The following UHRF2 variants were observed in gnomAD, a reference collection of about 807,000 sequenced individuals.
The protein encoded by UHRF2 is E3 ubiquitin-protein ligase UHRF2.
Under a neutral mutation model 96.8 loss-of-function variants are expected in UHRF2, and 23 were observed. The ratio of observed to expected loss-of-function variants is 0.24; its 90% confidence interval spans 0.17 to 0.34. UHRF2 has a LOEUF of 0.34. Ranked by LOEUF, UHRF2 falls within the 10% of genes least tolerant of loss-of-function variation. UHRF2 has a pLI of 1.00. For synonymous variants in UHRF2, 385 were observed against 332.6 expected, an observed-to-expected ratio of 1.16 and a Z score of -1.72; for missense variants, 685 against 981.5, an observed-to-expected ratio of 0.70 and a Z score of 4.04.
chr9:6,480,588 A>T (rs1405078047), intron 6 of UHRF2, among the ~76,000 whole-genome samples: 1 of 152,202 alleles, frequency 6.6e-6, no homozygotes, highest in East Asian at 1.9e-4. Context: ...TGTTGTCTGG[A>T]TATTTAACCT....
intron 3 of UHRF2, among the ~76,000 whole-genome samples, chr9:6,434,688 C>T (rs988669815): frequency 6.6e-6 from 1 of 152,158 alleles, no homozygotes; most frequent in African/African-American, 2.4e-5. Flanking sequence ...ATCTGCCCCC[C>T]TTGGCCTCCC....
chr9:6,486,835 T>C lies in UHRF2; in HGVS notation c.1407T>C (p.Gly469=), dbSNP rs749811443. Residue 469 remains glycine (G), a synonymous_variant, in exon 9 of 16, where the codon GGT becomes GGC. Coordinates refer to ENST00000276893, the MANE Select transcript of UHRF2 (RefSeq NM_152896.3). ...TTGTTTTATAGGTGAGCGAAGCAGG[T>C]GTTCACAGACCCCATGTTGGTGGAA... ...WRFRVQVSEA[G]VHRPHVGGIH... The C allele has an allele frequency of 2.4e-5, 39 of 1,613,998 alleles. No individual in the cohort carries two copies. In the Admixed American group the frequency reaches 6.3e-4, roughly 26 times the overall value.
chr9:6,433,888 A>G, intron 2 of UHRF2, 26 bp from the exon 3 acceptor site: 1 of 1,592,768 alleles, frequency 6.3e-7, no homozygotes, highest in Non-Finnish European at 8.6e-7. Flanking sequence ...ATTAAGCTTC[A>G]TTAACTGATT....
intron 3 of UHRF2, among the ~76,000 whole-genome samples, chr9:6,443,147 A>C (rs754215460): frequency 4.6e-5 from 7 of 152,222 alleles, no homozygotes; most frequent in Non-Finnish European, 5.9e-5. Flanking sequence ...TGATCTTAAG[A>C]ATGAAGCTAC....
intron 8 of UHRF2, among the ~76,000 whole-genome samples, chr9:6,486,234 TAAAA>T (rs1157807354): frequency 6.6e-6 from 1 of 151,994 alleles, no homozygotes; most frequent in Non-Finnish European, 1.5e-5. Context: ...CTAGAGGCAG[TAAAA>T]AAAGGATCTG....
At chr9:6,437,976 A>C (rs933152546) in intron 3 of UHRF2, among the ~76,000 whole-genome samples, 2 of 152,310 alleles carry the variant, frequency 1.3e-5, no homozygotes, top group Non-Finnish European at 2.9e-5. Flanking sequence ...TGGACTGGCT[A>C]TTCCCTACTA....
chr9:6,424,279 T>G (rs1587767095), intron 2 of UHRF2, among the ~76,000 whole-genome samples: 2 of 152,290 alleles, frequency 1.3e-5, no homozygotes, highest in East Asian at 1.9e-4. Flanking sequence ...AATTAATGCG[T>G]GAATTAGAAC....
At chr9:6,482,490 C>G (rs931699515) in intron 8 of UHRF2, among the ~76,000 whole-genome samples, 7 of 151,926 alleles carry the variant, frequency 4.6e-5, no homozygotes, top group Non-Finnish European at 8.8e-5. Flanking sequence ...TCCTCCTGAA[C>G]AAATGCTAAG....
rs574055799 is a variant in UHRF2, at chr9:6,436,412, T to C, written c.644+2239T>C. The stretch of plus-strand genomic sequence containing the variant: ...GTAGAAAGGGGTTGAAGTTGGTGTA[T>C]TAATAGTAAGTGGTCTCTGGGTTTA... On this transcript the variant is annotated intron_variant, in intron 3 of 15. Transcript: ENST00000276893. 8.4e-4 allele frequency among the ~76,000 whole-genome samples: 128 copies of C among 152,266 alleles called. 1 individual carries two copies. Among genetic ancestry groups the C allele is most frequent in the East Asian group, 3.3e-3 (17 of 5,188 alleles).
At chr9:6,467,376 G>A (rs1164385384) in intron 4 of UHRF2, among the ~76,000 whole-genome samples, 1 of 151,966 alleles carries the variant, frequency 6.6e-6, no homozygotes, top group Non-Finnish European at 1.5e-5. Context: ...CCCATTTCAA[G>A]GTTTTTTATA....
chr9:6,456,513 C>G (rs1435098780), intron 3 of UHRF2, among the ~76,000 whole-genome samples: 1 of 152,126 alleles, frequency 6.6e-6, no homozygotes, highest in East Asian at 1.9e-4. Flanking sequence ...GTTTCTTTTG[C>G]TGTGCAGCAG....
At position 6,460,563 on chromosome 9, in the gene UHRF2, C is replaced by G. The variant is rs536052802; in HGVS notation, c.645-10C>G. ...GTAATCATAAGCCATATGGTTTTCT[C>G]TCTCCTCAGATACCCAGAAAGCGGT... On this transcript the variant is annotated splice_polypyrimidine_tract_variant and intron_variant, in intron 3 of 15. Coordinates refer to ENST00000276893, the MANE Select transcript of UHRF2 (RefSeq NM_152896.3). The G allele has an allele frequency of 1.2e-5, 19 of 1,586,138 alleles. No individual in the cohort carries two copies. Among genetic ancestry groups the G allele is most frequent in the South Asian group, 7.9e-5 (7 of 88,262 alleles).
chr9:6,448,934 A>C (rs1821685847), intron 3 of UHRF2, among the ~76,000 whole-genome samples: 1 of 152,178 alleles, frequency 6.6e-6, no homozygotes, highest in Non-Finnish European at 1.5e-5. Context: ...TTTATTACGG[A>C]AATCTTTAAA....
At chr9:6,451,056 A>G (rs1181986732) in intron 3 of UHRF2, among the ~76,000 whole-genome samples, 1 of 152,148 alleles carries the variant, frequency 6.6e-6, no homozygotes, top group Non-Finnish European at 1.5e-5. Flanking sequence ...TTTTATGTTT[A>G]TTTTCTCTTA....
At chr9:6,441,745 TC>T (rs1375601623) in intron 3 of UHRF2, among the ~76,000 whole-genome samples, 2 of 152,046 alleles carry the variant, frequency 1.3e-5, no homozygotes, top group Non-Finnish European at 2.9e-5. Flanking sequence ...GTTTTTTTTT[TC>T]CATTTTATTT....
chr9:6,491,153 C>A (rs1235780017), intron 9 of UHRF2, among the ~76,000 whole-genome samples: 1 of 152,106 alleles, frequency 6.6e-6, no homozygotes, highest in Admixed American at 6.6e-5. Context: ...AGTGAGGACC[C>A]ACAAAGATGA....
chr9:6,422,901 GA>G (rs1463426548), intron 2 of UHRF2: 3 of 371,120 alleles, frequency 8.1e-6, no homozygotes, highest in Non-Finnish European at 1.4e-5. Flanking sequence ...TCTGTTTGCT[GA>G]TATAGAGAAA....
At chr9:6,443,884 A>C (rs1273179939) in intron 3 of UHRF2, among the ~76,000 whole-genome samples, 1 of 152,208 alleles carries the variant, frequency 6.6e-6, no homozygotes, top group Non-Finnish European at 1.5e-5. Context: ...AGCATTCTTT[A>C]AGATTTCTGG....
intron 14 of UHRF2, among the ~76,000 whole-genome samples, chr9:6,501,446 G>C (rs1816288123): frequency 6.6e-6 from 1 of 152,102 alleles, no homozygotes; most frequent in South Asian, 2.1e-4. Context: ...CCCCATGTCT[G>C]TATGTCTTTT....
Sources: gnomAD v4.1 joint callset for allele counts (sites outside exome capture counted in the v4.1 genomes callset) on GRCh38, gnomAD v4.1.1 for gene constraint, MANE v1.5 for transcripts, NCBI Gene and HGNC (gene_info 2026-07-23, HGNC 2026-07-21) for gene names.